AHCYL2: variants seen among roughly 807,000 people sequenced by gnomAD.
The protein encoded by AHCYL2 is adenosylhomocysteinase like 2, also known as S-adenosylhomocysteine hydrolase-like protein 2.
AHCYL2 carries 28 observed loss-of-function variants against 81.4 expected under a neutral mutation model. The observed-to-expected ratio is 0.34, with a 90% CI of 0.25 to 0.47. The LOEUF is 0.47. Ranked by LOEUF, AHCYL2 falls within the 20% of genes least tolerant of loss-of-function variation. The pLI is 1.00. For synonymous variants in AHCYL2, 272 were observed against 290.2 expected, an observed-to-expected ratio of 0.94 and a Z score of 0.64; for missense variants, 551 against 785.1, an observed-to-expected ratio of 0.70 and a Z score of 3.56.
At chr7:129,367,147 C>G (rs932904008) in intron 1 of AHCYL2, among the ~76,000 whole-genome samples, 3 of 152,120 alleles carry the variant, frequency 2.0e-5, no homozygotes, top group Non-Finnish European at 2.9e-5. Context: ...CTAAGCAGTT[C>G]CAGCTTGACT....
Position 129,236,240 on chromosome 7 carries a change from G to A in AHCYL2, c.363+10801G>A, listed in dbSNP as rs1343562704. Among the ~76,000 whole-genome samples, 8 of 150,050 alleles carry A rather than the reference G, an allele frequency of 5.3e-5. No homozygotes were observed. The South Asian group carries it at 6.4e-4, about 12-fold the overall frequency. ...TTTTTTGAGACAGTCTTGCTCTGTT[G>A]TCCAGGCTGGAGTACAGTGGTGTGA... is the stretch of plus-strand genomic sequence containing the variant. On this transcript the variant is annotated intron_variant, in intron 1 of 16. Transcript: ENST00000325006.
intron 1 of AHCYL2, among the ~76,000 whole-genome samples, chr7:129,233,991 C>G (rs550449516): frequency 6.6e-6 from 1 of 152,004 alleles, no homozygotes; most frequent in Non-Finnish European, 1.5e-5. Context: ...TCTTTTCTCC[C>G]CCTCCCCCCT....
intron 1 of AHCYL2, among the ~76,000 whole-genome samples, chr7:129,303,700 G>A (rs557825433): frequency 2.0e-5 from 3 of 151,984 alleles, no homozygotes; most frequent in Non-Finnish European, 4.4e-5. Context: ...GGGTTTGGTT[G>A]GGTCTTGCTT....
chr7:129,403,425 A>G lies in AHCYL2; in HGVS notation c.965A>G (p.Tyr322Cys). 1.2e-6 allele frequency: 2 copies of G among 1,612,222 alleles called. No individual in the cohort carries two copies. The highest frequency in any genetic ancestry group is 1.7e-6 in the Non-Finnish European group (2 of 1,179,016). Residue 322 changes from tyrosine to cysteine, a missense_variant, in exon 7 of 17, where the codon TAT becomes TGT. By Grantham distance (194) the Tyr-to-Cys change is radical (BLOSUM62 -2). This residue lies in a region of AHCYL2 where 316 missense variants were observed against 543.1 expected (regional missense o/e 0.58). Coordinates refer to ENST00000325006, the MANE Select transcript of AHCYL2 (RefSeq NM_015328.4). ...CTTACCCACTGGATTTATAAAAAGTATCCCAACATGTTTAAGAAAATCAAG... is the reference window on the plus strand; with the variant it reads ...CTTACCCACTGGATTTATAAAAAGTGTCCCAACATGTTTAAGAAAATCAAG... ...GDLTHWIYKK[Y>C]PNMFKKIKGI...
chr7:129,278,763 CTTTTTTT>C (rs36037913), intron 1 of AHCYL2, among the ~76,000 whole-genome samples: 102 of 111,384 alleles, frequency 9.2e-4, no homozygotes, highest in African/African-American at 3.2e-3. Context: ...TATTGAAGCT[CTTTTTTT>C]TTTTTTTTTT....
intron 1 of AHCYL2, among the ~76,000 whole-genome samples, chr7:129,363,509 A>G (rs530243516): frequency 6.6e-6 from 1 of 152,318 alleles, no homozygotes; most frequent in African/African-American, 2.4e-5. Context: ...CATAACTAAA[A>G]ACAACACTTA....
chr7:129,327,523 G>A (rs1798265067), intron 1 of AHCYL2, among the ~76,000 whole-genome samples: 1 of 152,144 alleles, frequency 6.6e-6, no homozygotes, highest in Non-Finnish European at 1.5e-5. Flanking sequence ...CTGGAGTGCA[G>A]TGGCGCGATC....
At position 129,426,695 on chromosome 7, in the gene AHCYL2, C is replaced by A; in HGVS notation, c.1829+132C>A. 1 of 1,302,170 alleles carries A rather than the reference C, an allele frequency of 7.7e-7. No individual in the cohort carries two copies. The allele number at this position is 1,302,170 out of a possible 1,614,324, so 80.7% of individuals were successfully genotyped here. On this transcript the variant is annotated intron_variant, in intron 16 of 16. Transcript: ENST00000325006. The surrounding 1 kb of genome is among the most constrained non-coding windows in gnomAD (Gnocchi z 4.3). ...AAATGAACCCACTTCCCCTCACTGC[C>A]ACCTTCAAAAGACTCTTCAAGGCCT...
intron 12 of AHCYL2, among the ~76,000 whole-genome samples, chr7:129,422,100 T>C (rs563502899): frequency 2.0e-5 from 3 of 152,392 alleles, no homozygotes; most frequent in African/African-American, 4.8e-5. Flanking sequence ...GTGGCTGTTA[T>C]TTGATTGCTG....
intron 1 of AHCYL2, among the ~76,000 whole-genome samples, chr7:129,278,263 A>T (rs1563178113): frequency 1.3e-5 from 2 of 151,792 alleles, no homozygotes; most frequent in South Asian, 4.2e-4. Context: ...TTTTTTAGAG[A>T]TGGGGTCTCC....
At chr7:129,286,526 G>A (rs988754076) in intron 1 of AHCYL2, among the ~76,000 whole-genome samples, 1 of 152,070 alleles carries the variant, frequency 6.6e-6, no homozygotes, top group Non-Finnish European at 1.5e-5. Flanking sequence ...AGTGGCATGC[G>A]CTTAGCTCAC....
At chr7:129,363,666 T>C (rs754731951) in intron 1 of AHCYL2, among the ~76,000 whole-genome samples, 11 of 152,018 alleles carry the variant, frequency 7.2e-5, no homozygotes, top group Non-Finnish European at 1.3e-4. Flanking sequence ...GCCTCCTGAG[T>C]AGCTGAGATT....
At position 129,324,888 on chromosome 7, in the gene AHCYL2, T is replaced by C. The variant is rs1038193927; in HGVS notation, c.364-54750T>C. 4.6e-5 allele frequency among the ~76,000 whole-genome samples: 7 copies of C among 152,222 alleles called. No homozygotes were observed. In the East Asian group the frequency reaches 9.6e-4, roughly 21 times the overall value. On this transcript the variant is annotated intron_variant, in intron 1 of 16. Coordinates refer to ENST00000325006, the MANE Select transcript of AHCYL2 (RefSeq NM_015328.4). ...TTTGTGGTGTAAATGGTGTACATCT[T>C]TAACTTATCAGACACCTCCTTCATG...
intron 11 of AHCYL2, chr7:129,410,517 A>G (rs1796516128): frequency 1.1e-6 from 1 of 885,706 alleles, no homozygotes; most frequent in Non-Finnish European, 1.8e-6. Flanking sequence ...AGGTACAGTC[A>G]TAATCTCTTT....
intron 1 of AHCYL2, among the ~76,000 whole-genome samples, chr7:129,362,996 C>T (rs1234145122): frequency 1.3e-5 from 2 of 152,122 alleles, no homozygotes; most frequent in African/African-American, 4.8e-5. Flanking sequence ...TTCAGATCAT[C>T]CGGCAGGCCA....
intron 6 of AHCYL2, among the ~76,000 whole-genome samples, chr7:129,402,588 C>G (rs1012133382): frequency 1.3e-5 from 2 of 152,192 alleles, no homozygotes; most frequent in African/African-American, 4.8e-5. Flanking sequence ...TAACAATGTT[C>G]TAAGCTGGTT....
intron 1 of AHCYL2, among the ~76,000 whole-genome samples, chr7:129,276,747 A>AG (rs901802575): frequency 4.6e-5 from 7 of 151,374 alleles, no homozygotes; most frequent in African/African-American, 1.7e-4. Context: ...AAAAAAAAAA[A>AG]AAAAGAAAAA....
intron 1 of AHCYL2, among the ~76,000 whole-genome samples, chr7:129,350,371 C>A (rs1481214872): frequency 2.0e-5 from 3 of 150,556 alleles, no homozygotes; most frequent in Non-Finnish European, 1.5e-5. Context: ...AGAAAGCATT[C>A]AATAAATGTA....
intron 1 of AHCYL2, among the ~76,000 whole-genome samples, chr7:129,321,758 T>TTG (rs1554480542): frequency 2.0e-5 from 3 of 147,112 alleles, no homozygotes; most frequent in Non-Finnish European, 3.0e-5. Flanking sequence ...TTTTTTTTTT[T>TTG]TTTTTTGGTC....
Sources: gnomAD v4.1 joint callset for allele counts (sites outside exome capture counted in the v4.1 genomes callset) on GRCh38, gnomAD v4.1.1 for gene constraint, gnomAD v4.1.1 regional missense constraint, Gnocchi (gnomAD v3.1) non-coding constraint, MANE v1.5 for transcripts, NCBI Gene and HGNC (gene_info 2026-07-23, HGNC 2026-07-21) for gene names.